The following PLAC9 variants were observed in gnomAD, a reference collection of about 807,000 sequenced individuals.
PLAC9 encodes the protein placenta-specific protein 9.
Under a neutral mutation model 11.5 loss-of-function variants are expected in PLAC9, and 12 were observed. The ratio of observed to expected loss-of-function variants is 1.05; its 90% CI spans 0.67 to 1.69. PLAC9 has a LOEUF of 1.69. PLAC9 is among the 40% of genes most tolerant of loss of function. The pLI is 0.00. For missense variants in PLAC9, 132 were observed against 130.5 expected (o/e 1.01, Z -0.06); for synonymous variants, 62 against 58.1 (o/e 1.07, Z -0.31).
At chr10:80,141,944 G>A in intron 1 of PLAC9, 138 bp from the exon 2 acceptor site, 1 of 501,884 alleles carries the variant, frequency 2.0e-6, no homozygotes, top group South Asian at 2.8e-5. Flanking sequence ...CTCGCACACT[G>A]ACCCCCACCT....
At chr10:80,131,975 T>C (rs2573360), upstream of PLAC9, 105,778 of 152,174 alleles carry the variant, frequency 0.7, 37,140 homozygotes, top group East Asian at 0.95. Context: ...TTTGTGTTTT[T>C]ACTAAAACTT....
chr10:80,134,960 T>C (rs1844956922), intron 1 of PLAC9, among the ~76,000 whole-genome samples: 1 of 152,196 alleles, frequency 6.6e-6, no homozygotes, highest in African/African-American at 2.4e-5. Flanking sequence ...ATATTTTCTA[T>C]AAATTGAGAG....
At chr10:80,134,733 C>CT (rs1163308967) in intron 1 of PLAC9, among the ~76,000 whole-genome samples, 1 of 152,150 alleles carries the variant, frequency 6.6e-6, no homozygotes, top group East Asian at 1.9e-4. Flanking sequence ...TGTGTCATAT[C>CT]TTTTTGCAAT....
chr10:80,133,943 C>CAAAA (rs61127711), intron 1 of PLAC9, among the ~76,000 whole-genome samples: 3,624 of 107,550 alleles, frequency 0.034, 100 homozygotes, highest in Middle Eastern at 0.056. Flanking sequence ...GACTCAGTTT[C>CAAAA]AAAAAAAAAA....
chr10:80,143,425 TC>T (rs1845064441), intron 2 of PLAC9, among the ~76,000 whole-genome samples: 2 of 123,414 alleles, frequency 1.6e-5, no homozygotes, highest in Non-Finnish European at 3.2e-5. Flanking sequence ...TGAGGCAGAG[TC>T]TCACTCTGTC....
intron 1 of PLAC9, among the ~76,000 whole-genome samples, chr10:80,138,889 A>G (rs2132335330): frequency 6.6e-6 from 1 of 152,066 alleles, no homozygotes. Flanking sequence ...ATCCATGGCC[A>G]CAGCCTTAAT....
At chr10:80,135,530 A>T (rs948048681) in intron 1 of PLAC9, among the ~76,000 whole-genome samples, 1 of 148,598 alleles carries the variant, frequency 6.7e-6, no homozygotes, top group Non-Finnish European at 1.5e-5. Flanking sequence ...GCTGCGGGGG[A>T]GTTTCACCAT....
chr10:80,141,137 T>C (rs2819878), intron 1 of PLAC9, among the ~76,000 whole-genome samples: 106,336 of 152,036 alleles, frequency 0.7, 37,745 homozygotes, highest in East Asian at 0.9. Flanking sequence ...ATATCTCCTT[T>C]CATTTTCTTC....
chr10:80,143,944 T>C (rs1488503713), intron 2 of PLAC9: 1 of 428,208 alleles, frequency 2.3e-6, no homozygotes, highest in Admixed American at 3.7e-5. Context: ...GGCTGCAAAG[T>C]CCAAAAGGGA....
chr10:80,140,486 C>T (rs1845027685), intron 1 of PLAC9, among the ~76,000 whole-genome samples: 1 of 152,184 alleles, frequency 6.6e-6, no homozygotes, highest in South Asian at 2.1e-4. Context: ...TGACGCTTTT[C>T]ATCCTCTGCA....
At chr10:80,140,670 T>C (rs1314391304) in intron 1 of PLAC9, among the ~76,000 whole-genome samples, 1 of 152,146 alleles carries the variant, frequency 6.6e-6, no homozygotes, top group Non-Finnish European at 1.5e-5. Context: ...TGAGGGTTGA[T>C]GGTGCCTGGA....
At position 80,142,279 on chromosome 10, in the gene PLAC9, C is replaced by T. The variant is rs547169164; in HGVS notation, c.162+100C>T. On this transcript the variant is annotated intron_variant, in intron 2 of 3. Transcript: ENST00000372263. Reference sequence around the variant, plus strand: ...GCTTGCTTTGGAATGTGAGGACATCCGGGCCGATCCTGCCCTGTGGCCACC... The same window carrying T: ...GCTTGCTTTGGAATGTGAGGACATCTGGGCCGATCCTGCCCTGTGGCCACC... 2.1e-4 allele frequency: 202 copies of T among 983,974 alleles called. No homozygotes were observed. In the African/African-American group the frequency reaches 2.7e-3, roughly 13 times the overall value. 61.0% of individuals were successfully genotyped at this position (983,974 alleles called of 1,614,324 possible). A position where few individuals can be genotyped will look rare whatever the true frequency, so the allele number is the denominator to read the frequency against.
chr10:80,137,577 C>A (rs1331670431), intron 1 of PLAC9, among the ~76,000 whole-genome samples: 2 of 152,206 alleles, frequency 1.3e-5, no homozygotes, highest in East Asian at 3.9e-4. Context: ...CTTTTCCTCT[C>A]CAAGCTGAGC....
intron 2 of PLAC9, among the ~76,000 whole-genome samples, chr10:80,142,500 T>C (rs1589405551): frequency 6.6e-6 from 1 of 152,198 alleles, no homozygotes; most frequent in Non-Finnish European, 1.5e-5. Flanking sequence ...ATCTTTATTG[T>C]CACAAGCCTT....
chr10:80,141,122 C>A (rs1243692021), intron 1 of PLAC9, among the ~76,000 whole-genome samples: 1 of 152,166 alleles, frequency 6.6e-6, no homozygotes, highest in South Asian at 2.1e-4. Flanking sequence ...AACGCTGCTA[C>A]TGAAATATCT....
At chr10:80,139,222 G>C (rs1364379406) in intron 1 of PLAC9, among the ~76,000 whole-genome samples, 1 of 152,144 alleles carries the variant, frequency 6.6e-6, no homozygotes, top group South Asian at 2.1e-4. Context: ...AAAGTGCTGG[G>C]ATTACAGGCG....
intron 1 of PLAC9, among the ~76,000 whole-genome samples, chr10:80,135,898 C>G (rs1417048595): frequency 1.3e-5 from 2 of 152,046 alleles, no homozygotes; most frequent in Admixed American, 1.3e-4. Context: ...CCCCAAGTGG[C>G]CAGGGTTGCT....
At chr10:80,132,684 T>C, upstream of PLAC9, 3 of 1,257,944 alleles carry the variant, frequency 2.4e-6, no homozygotes, top group Admixed American at 3.5e-5. Flanking sequence ...TGAGTGCATT[T>C]CCTCTCGGGC....
In PLAC9 at chr10:80,133,943, CAAAAAAAA is replaced by C. The variant is rs61127711; in HGVS notation, c.64+1126_64+1133del. Among the ~76,000 whole-genome samples, 20 of 107,736 alleles carry C rather than the reference CAAAAAAAA, an allele frequency of 1.9e-4. No individual in the cohort carries two copies. The South Asian group carries it at 4.2e-3, about 23-fold the overall frequency. The allele number at this position is 107,736 out of a possible 152,430, so 70.7% of individuals were successfully genotyped here. On this transcript the variant is annotated intron_variant, in intron 1 of 3. Transcript: ENST00000372263. Reference sequence around the variant, plus strand: ...TGGGTGACAGAGCAAGACTCAGTTTCAAAAAAAAAAAAAAAAGAAGAAGGAAAGGAGGA... The same window carrying C: ...TGGGTGACAGAGCAAGACTCAGTTTCAAAAAAAAGAAGAAGGAAAGGAGGA...
Sources: gnomAD v4.1 joint callset for allele counts (sites outside exome capture counted in the v4.1 genomes callset) on GRCh38, gnomAD v4.1.1 for gene constraint, MANE v1.5 for transcripts, NCBI Gene and HGNC (gene_info 2026-07-23, HGNC 2026-07-21) for gene names.